The following CNIH3 variants were observed in gnomAD, a reference collection of about 807,000 sequenced individuals.
CNIH3 encodes protein cornichon homolog 3.
A neutral mutation model predicts 24.1 loss-of-function variants in CNIH3; 14 were observed. The observed-to-expected ratio is 0.58, with a 90% CI of 0.38 to 0.91. The LOEUF (loss-of-function observed/expected upper bound fraction) is 0.91, where lower values mean the gene tolerates loss of function less well. Ranked by LOEUF, CNIH3 falls within the 40% of genes least tolerant of loss-of-function variation. The pLI, the probability that CNIH3 is intolerant of heterozygous loss-of-function variation, is 0.00. For synonymous variants in CNIH3, 68 were observed against 73.8 expected, an observed-to-expected ratio of 0.92 and a Z score of 0.40; for missense variants, 178 against 196.8, an observed-to-expected ratio of 0.90 and a Z score of 0.57.
At chr1:224,551,877 T>C (rs1188578340) in intron 3 of CNIH3, among the ~76,000 whole-genome samples, 1 of 151,004 alleles carries the variant, frequency 6.6e-6, no homozygotes, top group African/African-American at 2.4e-5. Flanking sequence ...AGTTGTATTA[T>C]TTGTAATATC....
chr1:224,705,967 T>TG (rs1687784034), intron 3 of CNIH3, among the ~76,000 whole-genome samples: 1 of 149,912 alleles, frequency 6.7e-6, no homozygotes, highest in South Asian at 2.2e-4. Context: ...TGTGTGCTTC[T>TG]GGGGGCTCCC....
intron 4 of CNIH3, among the ~76,000 whole-genome samples, chr1:224,569,191 C>G (rs1680712788): frequency 6.6e-6 from 1 of 152,126 alleles, no homozygotes; most frequent in African/African-American, 2.4e-5. Context: ...TTCTAAAATG[C>G]TTTTTTACAT....
intron 1 of CNIH3, among the ~76,000 whole-genome samples, chr1:224,501,249 G>A (rs935814814): frequency 6.6e-6 from 1 of 152,144 alleles, no homozygotes. Flanking sequence ...TTTGTTCATT[G>A]TAGGGGTTTA....
intron 1 of CNIH3, among the ~76,000 whole-genome samples, chr1:224,625,977 C>T (rs1683507168): frequency 6.6e-6 from 1 of 152,072 alleles, no homozygotes; most frequent in Admixed American, 6.5e-5. Flanking sequence ...ATACACCTTT[C>T]TTCCATCCTT....
At chr1:224,576,009 C>T (rs576466479) in intron 4 of CNIH3, among the ~76,000 whole-genome samples, 1 of 152,284 alleles carries the variant, frequency 6.6e-6, no homozygotes, top group East Asian at 1.9e-4. Flanking sequence ...AGATGAACAA[C>T]TGCATCCATT....
At chr1:224,657,941 TAAC>T (rs1003300890) in intron 1 of CNIH3, among the ~76,000 whole-genome samples, 2 of 152,250 alleles carry the variant, frequency 1.3e-5, no homozygotes, top group Non-Finnish European at 2.9e-5. Context: ...TTATTACTGA[TAAC>T]ATATACTAAG....
intron 1 of CNIH3, chr1:224,435,106 G>A: frequency 1.0e-6 from 1 of 985,772 alleles, no homozygotes; most frequent in Non-Finnish European, 1.2e-6. Context: ...GGCAGAGTTG[G>A]CGTGCGTGCG....
intron 1 of CNIH3, among the ~76,000 whole-genome samples, chr1:224,485,701 CAG>C: frequency 6.6e-6 from 1 of 152,296 alleles, no homozygotes; most frequent in South Asian, 2.1e-4. Flanking sequence ...CTATGTTGTG[CAG>C]GCTTGTCCTG....
chr1:224,438,730 A>T (rs1295986102), intron 1 of CNIH3, among the ~76,000 whole-genome samples: 2 of 152,192 alleles, frequency 1.3e-5, no homozygotes, highest in African/African-American at 4.8e-5. Flanking sequence ...TTCTTGGGCC[A>T]GAACAGTTGG....
chr1:224,690,241 T>A (rs1326087148), intron 3 of CNIH3, among the ~76,000 whole-genome samples: 3 of 152,196 alleles, frequency 2.0e-5, no homozygotes, highest in Non-Finnish European at 4.4e-5. Flanking sequence ...CACTTTGTTG[T>A]CCAGGCTAAA....
Position 224,465,340 on chromosome 1 carries a change from C to T in CNIH3, n.203+30478C>T, listed in dbSNP as rs147042756. On this transcript the variant is annotated intron_variant and non_coding_transcript_variant, in intron 1 of 5. Coordinates refer to the CNIH3 transcript ENST00000471578. ...GTCAGGCTGGTCTCGAACTCCCGAC[C>T]TCAGGTCATCTGCCCACCTTGGCCT... Among the ~76,000 whole-genome samples the T allele has an allele frequency of 4.8e-3, 732 of 152,314 alleles. 13 individuals carry two copies. The highest frequency in any genetic ancestry group is 0.017 in the African/African-American group (693 of 41,566).
At chr1:224,665,486 T>C (rs1016595267) in intron 1 of CNIH3, among the ~76,000 whole-genome samples, 20 of 152,244 alleles carry the variant, frequency 1.3e-4, no homozygotes, top group African/African-American at 4.6e-4. Flanking sequence ...ATTCTTTCAA[T>C]AGATACTTAC....
intron 3 of CNIH3, among the ~76,000 whole-genome samples, chr1:224,561,015 T>C (rs931397618): frequency 6.6e-6 from 1 of 152,214 alleles, no homozygotes; most frequent in Non-Finnish European, 1.5e-5. Flanking sequence ...TTACTGGCCA[T>C]TTGCATGGCC....
intron 1 of CNIH3, among the ~76,000 whole-genome samples, chr1:224,676,319 C>T (rs1324239140): frequency 3.3e-5 from 5 of 151,778 alleles, no homozygotes. Flanking sequence ...GGATGGAGAA[C>T]AGATTAGTGG....
chr1:224,593,020 C>T (rs1227235132), downstream of CNIH3, among the ~76,000 whole-genome samples: 1 of 152,074 alleles, frequency 6.6e-6, no homozygotes, highest in Non-Finnish European at 1.5e-5. Context: ...GCGGGAAATG[C>T]AAGCAGAAAG....
intron 1 of CNIH3, among the ~76,000 whole-genome samples, chr1:224,664,541 G>A (rs972830449): frequency 6.6e-6 from 1 of 152,154 alleles, no homozygotes; most frequent in African/African-American, 2.4e-5. Context: ...ACAGTTTAAT[G>A]CCTATTGCTG....
rs369747932 is a variant in CNIH3, at chr1:224,739,396, A to G, written c.*40A>G. The G allele has an allele frequency of 4.5e-6, 7 of 1,564,164 alleles. No homozygotes were observed. The African/African-American group carries it at 1.0e-4, about 23-fold the overall frequency. On this transcript the variant is annotated 3_prime_UTR_variant, in exon 6 of 6. Coordinates refer to ENST00000272133, the MANE Select transcript of CNIH3 (RefSeq NM_152495.2). ...ACATCATCAGAGACTGAGATGGGAG[A>G]GGCCTGAGACGGAGAGGTGCATTTC...
rs370987994 is a variant in CNIH3 at position 224,536,252 on chromosome 1, T to C, written n.344-684T>C. ...GCATTTTGGTGGCATCCCCTTTTTT[T>C]AATTGTGGGAAATAGCTGCCATAAT... On this transcript the variant is annotated intron_variant and non_coding_transcript_variant, in intron 2 of 2. Coordinates refer to the CNIH3 transcript ENST00000470602. Among the ~76,000 whole-genome samples the C allele has an allele frequency of 5.8e-3, 877 of 151,820 alleles. 9 individuals carry two copies. The highest frequency in any genetic ancestry group is 0.027 in the Middle Eastern group (8 of 294).
chr1:224,491,298 C>G (rs1161374878), intron 1 of CNIH3, among the ~76,000 whole-genome samples: 6 of 152,184 alleles, frequency 3.9e-5, no homozygotes, highest in Admixed American at 3.9e-4. Context: ...ATCTGTAAAG[C>G]TGATATTCCA....
Sources: gnomAD v4.1 joint callset for allele counts (sites outside exome capture counted in the v4.1 genomes callset) on GRCh38, gnomAD v4.1.1 for gene constraint, MANE v1.5 for transcripts, NCBI Gene and HGNC (gene_info 2026-07-23, HGNC 2026-07-21) for gene names.